Variants in RGS6 observed in about 807,000 individuals in gnomAD.
RGS6 encodes regulator of G protein signaling 6, also known as regulator of G-protein signaling 6.
In RGS6, 30 loss-of-function variants were observed where a neutral mutation model predicts 78.5. The ratio of observed to expected loss-of-function variants is 0.38; its 90% CI spans 0.29 to 0.52. RGS6 has a LOEUF of 0.52. RGS6 is among the 20% of genes least tolerant of loss of function. The pLI, the probability that RGS6 is intolerant of heterozygous loss-of-function variation, is 0.85. For synonymous variants in RGS6, 206 were observed against 206.0 expected (o/e 1.00, Z 0.00); for missense variants, 495 against 609.7 (o/e 0.81, Z 1.98).
chr14:71,870,954 T>C, the RGS6 span, among the ~76,000 whole-genome samples: 1 of 152,178 alleles, frequency 6.6e-6, no homozygotes, highest in Non-Finnish European at 1.5e-5. Flanking sequence ...TGTGTACAAG[T>C]TCTCCTGGGA....
chr14:72,080,245 T>C (rs1006186010), intron 2 of RGS6, among the ~76,000 whole-genome samples: 1 of 152,194 alleles, frequency 6.6e-6, no homozygotes, highest in African/African-American at 2.4e-5. Context: ...TGAAGTGATA[T>C]CTCATTGTGG....
chr14:72,416,127 A>C (rs926271353), intron 3 of RGS6, among the ~76,000 whole-genome samples: 1 of 150,270 alleles, frequency 6.7e-6, no homozygotes, highest in African/African-American at 2.5e-5. Flanking sequence ...CCTGGGTGAC[A>C]GAATGAGACT....
At chr14:72,341,065 G>T (rs916770204) in intron 2 of RGS6, among the ~76,000 whole-genome samples, 1 of 152,140 alleles carries the variant, frequency 6.6e-6, no homozygotes, top group African/African-American at 2.4e-5. Flanking sequence ...ATGGGTATTA[G>T]TTCATTCTCA....
At chr14:72,344,259 G>A (rs1451849578) in intron 2 of RGS6, among the ~76,000 whole-genome samples, 3 of 152,174 alleles carry the variant, frequency 2.0e-5, no homozygotes, top group Non-Finnish European at 2.9e-5. Context: ...TATTAAAACT[G>A]TAAAAGTAAG....
chr14:72,247,597 T>G (rs774121980), intron 2 of RGS6, among the ~76,000 whole-genome samples: 3 of 152,226 alleles, frequency 2.0e-5, no homozygotes, highest in Non-Finnish European at 4.4e-5. Context: ...TTCTGTGGTT[T>G]GAATGTGTCC....
At chr14:71,983,122 G>A (rs1473710522) in intron 2 of RGS6, among the ~76,000 whole-genome samples, 2 of 152,204 alleles carry the variant, frequency 1.3e-5, no homozygotes, top group Non-Finnish European at 1.5e-5. Flanking sequence ...CTAATGGCCA[G>A]GATCTGGACT....
intron 2 of RGS6, among the ~76,000 whole-genome samples, chr14:71,982,528 A>C (rs1195418062): frequency 6.6e-6 from 1 of 152,202 alleles, no homozygotes; most frequent in Non-Finnish European, 1.5e-5. Context: ...ATATATTTCT[A>C]GATCTCCTTT....
intron 17 of RGS6, among the ~76,000 whole-genome samples, chr14:72,546,386 C>T (rs2097403610): frequency 1.3e-5 from 2 of 152,174 alleles, no homozygotes; most frequent in South Asian, 4.1e-4. Flanking sequence ...GACAAAGTGG[C>T]TCCTCACGGG....
At chr14:72,593,535 C>A in the RGS6 span, among the ~76,000 whole-genome samples, 3 of 152,138 alleles carry the variant, frequency 2.0e-5, no homozygotes, top group East Asian at 3.9e-4. Context: ...CAGGCACATG[C>A]CACGATGCCC....
intron 3 of RGS6, among the ~76,000 whole-genome samples, chr14:72,365,000 G>T (rs977213176): frequency 1.3e-5 from 2 of 152,192 alleles, no homozygotes; most frequent in Admixed American, 6.5e-5. Context: ...ACACTGTCAA[G>T]TTACCACATT....
At chr14:72,501,145 C>T (rs1293196879) in intron 13 of RGS6, among the ~76,000 whole-genome samples, 3 of 152,138 alleles carry the variant, frequency 2.0e-5, no homozygotes, top group Middle Eastern at 3.4e-3. Context: ...TCCAGGCAGG[C>T]TCGTTATGAT....
At chr14:72,115,707 G>A (rs892304319) in intron 2 of RGS6, among the ~76,000 whole-genome samples, 2 of 152,208 alleles carry the variant, frequency 1.3e-5, no homozygotes, top group African/African-American at 4.8e-5. Flanking sequence ...TACTGCTTCA[G>A]TTCCTTCTTC....
downstream of RGS6, among the ~76,000 whole-genome samples, chr14:72,569,178 T>C (rs948836305): frequency 5.3e-5 from 8 of 152,026 alleles, no homozygotes; most frequent in African/African-American, 1.7e-4. Flanking sequence ...TTTACCTACA[T>C]TAAAATTCAC....
At chr14:72,489,156 G>GCCCC (rs35147203) in intron 12 of RGS6, among the ~76,000 whole-genome samples, 105 of 141,980 alleles carry the variant, frequency 7.4e-4, no homozygotes, top group South Asian at 3.5e-3. Context: ...GACAAAGGGG[G>GCCCC]CCCCCCCACC....
At chr14:72,454,433 G>A (rs2095577567) in intron 3 of RGS6, 95 bp from the exon 4 acceptor site, 14 of 1,297,908 alleles carry the variant, frequency 1.1e-5, no homozygotes, top group Non-Finnish European at 1.5e-5. Flanking sequence ...AGTGTGGACT[G>A]TTTGGAATTA....
chr14:72,357,108 T>G (rs2080466442), intron 3 of RGS6, among the ~76,000 whole-genome samples: 1 of 151,970 alleles, frequency 6.6e-6, no homozygotes, highest in South Asian at 2.1e-4. Context: ...CTGTCTCTAC[T>G]AAAAGTACAA....
At chr14:72,299,223 A>G (rs913650442) in intron 2 of RGS6, among the ~76,000 whole-genome samples, 11 of 152,212 alleles carry the variant, frequency 7.2e-5, no homozygotes, top group African/African-American at 2.4e-4. Context: ...CTAATTTTAG[A>G]ACATTTTTAT....
At chr14:72,551,502 A>G (rs2153532991) in intron 17 of RGS6, among the ~76,000 whole-genome samples, 1 of 152,328 alleles carries the variant, frequency 6.6e-6, no homozygotes, top group Non-Finnish European at 1.5e-5. Flanking sequence ...AAAACGTGGC[A>G]GGGACATTTC....
intron 1 of RGS6, among the ~76,000 whole-genome samples, chr14:71,937,427 A>G (rs2089660217): frequency 1.3e-5 from 2 of 152,126 alleles, no homozygotes; most frequent in Non-Finnish European, 1.5e-5. Flanking sequence ...AATCCTGGCT[A>G]TAGGAGAAAC....
Sources: gnomAD v4.1 joint callset for allele counts (sites outside exome capture counted in the v4.1 genomes callset) on GRCh38, gnomAD v4.1.1 for gene constraint, MANE v1.5 for transcripts, NCBI Gene and HGNC (gene_info 2026-07-23, HGNC 2026-07-21) for gene names.